The following MPC2 variants were observed in gnomAD, a reference collection of about 807,000 sequenced individuals.
The protein encoded by MPC2 is mitochondrial pyruvate carrier 2.
A neutral mutation model predicts 19.2 loss-of-function variants in MPC2; 19 were observed. The observed-to-expected ratio is 0.99, with a 90% CI of 0.69 to 1.45. MPC2 has a LOEUF of 1.45. MPC2 is among the 40% of genes most tolerant of loss of function. The probability of loss-of-function intolerance (pLI) is 0.00; values close to 1 mark genes in which losing one functional copy is unlikely to be tolerated. For synonymous variants in MPC2, 61 were observed against 54.3 expected (o/e 1.12, Z -0.54); for missense variants, 122 against 153.0 (o/e 0.80, Z 1.07).
rs772847109 is a variant in MPC2, at chr1:167,936,885, C to T, written c.-58+54G>A. On this transcript the variant is annotated intron_variant, in intron 1 of 5. Transcript: ENST00000271373. ...CCTCCCCTCCCCCACGCGGTGGTCTCCCCTCCCACCCGGCTCAGGCAGAGC... is the reference window on the plus strand; with the variant it reads ...CCTCCCCTCCCCCACGCGGTGGTCTTCCCTCCCACCCGGCTCAGGCAGAGC... The T allele has an allele frequency of 9.4e-6, 14 of 1,495,362 alleles. 1 individual carries two copies. In the South Asian group the frequency reaches 1.3e-4, roughly 14 times the overall value. 92.6% of individuals were successfully genotyped at this position (1,495,362 alleles called of 1,614,324 possible).
At chr1:167,933,338 T>G (rs969025184) in intron 2 of MPC2, among the ~76,000 whole-genome samples, 3 of 152,108 alleles carry the variant, frequency 2.0e-5, no homozygotes, top group Non-Finnish European at 4.4e-5. Flanking sequence ...CGGCTAATTT[T>G]TGTATTTTAG....
chr1:167,923,613 A>G (rs546920130), intron 3 of MPC2, among the ~76,000 whole-genome samples: 2 of 152,292 alleles, frequency 1.3e-5, no homozygotes, highest in South Asian at 4.1e-4. Context: ...GAGATTGGTT[A>G]ACAATGATGT....
In MPC2 at chr1:167,936,890, C is replaced by T. The variant is rs1372329096; in HGVS notation, c.-58+49G>A. The T allele has an allele frequency of 3.8e-6, 6 of 1,564,034 alleles. No homozygotes were observed. In the African/African-American group the frequency reaches 4.0e-5, roughly 11 times the overall value. On this transcript the variant is annotated intron_variant, in intron 1 of 5. Transcript: ENST00000271373. The stretch of plus-strand genomic sequence containing the variant: ...CCTCCCCCACGCGGTGGTCTCCCCT[C>T]CCACCCGGCTCAGGCAGAGCCATGT...
At chr1:167,931,014 C>T (rs1009632022) in intron 2 of MPC2, among the ~76,000 whole-genome samples, 3 of 152,232 alleles carry the variant, frequency 2.0e-5, no homozygotes, top group African/African-American at 7.2e-5. Context: ...TCACTGCAAC[C>T]TCCATCTTCT....
At chr1:167,929,702 T>C (rs1408965816) in intron 2 of MPC2, among the ~76,000 whole-genome samples, 1 of 152,188 alleles carries the variant, frequency 6.6e-6, no homozygotes, top group African/African-American at 2.4e-5. Flanking sequence ...CCACCTATCG[T>C]ATATATGATT....
At chr1:167,928,784 T>C (rs1571515497) in intron 2 of MPC2, among the ~76,000 whole-genome samples, 2 of 152,286 alleles carry the variant, frequency 1.3e-5, no homozygotes, top group African/African-American at 4.8e-5. Flanking sequence ...TAAGCAGAAG[T>C]ATAAACTAAC....
chr1:167,924,725 T>G (rs545905284), intron 2 of MPC2, among the ~76,000 whole-genome samples, 188 bp from the exon 3 acceptor site: 1 of 152,268 alleles, frequency 6.6e-6, no homozygotes, highest in African/African-American at 2.4e-5. Context: ...CACAGTACAG[T>G]TGACCCTTGA....
chr1:167,924,392 C>A, intron 3 of MPC2, 105 bp downstream of exon 3: 1 of 911,256 alleles, frequency 1.1e-6, no homozygotes. Flanking sequence ...TAGAGGCATA[C>A]CAAGAATACT....
At chr1:167,923,212 T>C (rs1571508775) in intron 3 of MPC2, among the ~76,000 whole-genome samples, 1 of 152,310 alleles carries the variant, frequency 6.6e-6, no homozygotes, top group South Asian at 2.1e-4. Context: ...TAAGAAGAAT[T>C]AAAAGTATTG....
At chr1:167,920,410 C>A in intron 4 of MPC2, 137 bp downstream of exon 4, 1 of 926,344 alleles carries the variant, frequency 1.1e-6, no homozygotes, top group Non-Finnish European at 1.6e-6. Flanking sequence ...AACTTAATAA[C>A]TTCCTAGACA....
At chr1:167,925,275 A>T (rs1324949564) in intron 2 of MPC2, among the ~76,000 whole-genome samples, 1 of 151,788 alleles carries the variant, frequency 6.6e-6, no homozygotes, top group Non-Finnish European at 1.5e-5. Context: ...ACTTTCTCGA[A>T]GCTAGTGGCT....
intron 2 of MPC2, among the ~76,000 whole-genome samples, chr1:167,925,480 T>TATATATATAC (rs1287063918): frequency 1.5e-5 from 2 of 134,880 alleles, no homozygotes; most frequent in African/African-American, 5.6e-5. Flanking sequence ...TATATACATA[T>TATATATATAC]ACATATACAC....
chr1:167,925,270 C>G lies in MPC2; in HGVS notation c.110-733G>C, dbSNP rs112839117. On this transcript the variant is annotated intron_variant, in intron 2 of 5. Transcript: ENST00000271373. ...ATGTACCTATCAAGATTATGACTTT[C>G]TCGAAGCTAGTGGCTCAATACTATT... Among the ~76,000 whole-genome samples the G allele has an allele frequency of 2.9e-3, 447 of 151,794 alleles. 1 individual carries two copies. Among genetic ancestry groups the G allele is most frequent in the African/African-American group, 0.01 (425 of 41,448 alleles).
intron 2 of MPC2, among the ~76,000 whole-genome samples, chr1:167,927,304 A>C (rs924785882): frequency 6.6e-6 from 1 of 152,212 alleles, no homozygotes; most frequent in African/African-American, 2.4e-5. Flanking sequence ...CTGATGCCAT[A>C]ATGCATTAAT....
chr1:167,932,463 T>G (rs911341007), intron 2 of MPC2, among the ~76,000 whole-genome samples: 1 of 152,120 alleles, frequency 6.6e-6, no homozygotes, highest in Non-Finnish European at 1.5e-5. Context: ...CAAATACAAA[T>G]AAATGACACT....
chr1:167,921,454 G>A (rs1005364396), intron 3 of MPC2, among the ~76,000 whole-genome samples: 2 of 151,868 alleles, frequency 1.3e-5, no homozygotes, highest in Non-Finnish European at 2.9e-5. Flanking sequence ...ACTCCTGACC[G>A]CAGGTGATCC....
Position 167,935,707 on chromosome 1 carries a change from A to G in MPC2, c.109+26T>C, listed in dbSNP as rs368734933. 3.9e-4 allele frequency: 601 copies of G among 1,534,528 alleles called. 6 individuals are homozygous for G. The Middle Eastern group carries it at 4.4e-3, about 11-fold the overall frequency. ...AGAGGAAGCGAGAAGGAAGGTCTCG[A>G]TAAGGAGCCATTCAGGGTCCATTAC... On this transcript the variant is annotated intron_variant, in intron 2 of 5. Coordinates refer to ENST00000271373, the MANE Select transcript of MPC2 (RefSeq NM_001143674.4).
intron 4 of MPC2, 70 bp from the exon 5 acceptor site, chr1:167,920,160 T>C: frequency 1.1e-6 from 1 of 930,380 alleles, no homozygotes; most frequent in South Asian, 1.6e-5. Context: ...TACTTAATAT[T>C]GAGTAAAGTA....
intron 2 of MPC2, among the ~76,000 whole-genome samples, chr1:167,932,808 C>CAAAAAAAAAAAAAAAAAAAA (rs965449372): frequency 3.6e-5 from 2 of 54,966 alleles, no homozygotes; most frequent in Admixed American, 1.8e-4. Flanking sequence ...GACTCTGTCT[C>CAAAAAAAAAAAAAAAAAAAA]AAAAAAAAAA....
Sources: gnomAD v4.1 joint callset for allele counts (sites outside exome capture counted in the v4.1 genomes callset) on GRCh38, gnomAD v4.1.1 for gene constraint, MANE v1.5 for transcripts, NCBI Gene and HGNC (gene_info 2026-07-23, HGNC 2026-07-21) for gene names.